The following TTC33 variants were observed in gnomAD, a reference collection of about 807,000 sequenced individuals.
TTC33 encodes tetratricopeptide repeat domain 33.
In TTC33, 24 loss-of-function variants were observed where a neutral mutation model predicts 29.4. That is an observed-to-expected ratio of 0.82 (90% CI 0.59 to 1.15). The LOEUF is 1.15. Ranked by LOEUF, TTC33 falls within the 50% of genes most tolerant of loss-of-function variation. The probability of loss-of-function intolerance (pLI) is 0.00; values close to 1 mark genes in which losing one functional copy is unlikely to be tolerated. For missense variants in TTC33, 286 were observed against 310.4 expected (o/e 0.92, Z 0.59); for synonymous variants, 107 against 100.3 (o/e 1.07, Z -0.40).
intron 1 of TTC33, among the ~76,000 whole-genome samples, chr5:40,753,509 T>C (rs12523329): frequency 0.21 from 32,650 of 152,014 alleles, 4,289 homozygotes; most frequent in Admixed American, 0.37. Flanking sequence ...ATAAGGACAA[T>C]GCAAACTCTC....
intron 1 of TTC33, among the ~76,000 whole-genome samples, chr5:40,749,811 T>C (rs1234163863): frequency 5.3e-5 from 8 of 152,196 alleles, no homozygotes; most frequent in Non-Finnish European, 8.8e-5. Context: ...CATGCCTTGC[T>C]AGGTGCAGTG....
At chr5:40,723,555 T>C (rs2111879360) in intron 4 of TTC33, among the ~76,000 whole-genome samples, 1 of 148,408 alleles carries the variant, frequency 6.7e-6, no homozygotes, top group East Asian at 2.0e-4. Flanking sequence ...TCTGTTAAAA[T>C]GGGTATTATC....
intron 2 of TTC33, among the ~76,000 whole-genome samples, chr5:40,745,440 A>G (rs560822981): frequency 6.6e-6 from 1 of 152,196 alleles, no homozygotes; most frequent in Non-Finnish European, 1.5e-5. Flanking sequence ...GTGTGTGTGT[A>G]TGTGTATGCA....
At chr5:40,747,617 A>G (rs1742821418) in intron 1 of TTC33, among the ~76,000 whole-genome samples, 1 of 152,186 alleles carries the variant, frequency 6.6e-6, no homozygotes, top group Non-Finnish European at 1.5e-5. Context: ...GATAAAGTGA[A>G]GCATGCTCAA....
chr5:40,746,704 G>T, intron 2 of TTC33, 94 bp downstream of exon 2: 4 of 950,888 alleles, frequency 4.2e-6, no homozygotes, highest in Non-Finnish European at 6.1e-6. Context: ...TTTTAAACAT[G>T]AATTTATCAA....
At chr5:40,738,216 A>AGGCT (rs1157788461) in intron 2 of TTC33, among the ~76,000 whole-genome samples, 2 of 152,000 alleles carry the variant, frequency 1.3e-5, no homozygotes, top group Non-Finnish European at 2.9e-5. Context: ...GTTTGAGATC[A>AGGCT]GGCTGGCCAA....
chr5:40,712,674 C>G lies in TTC33; in HGVS notation c.*3471G>C, dbSNP rs1006379042. On this transcript the variant is annotated 3_prime_UTR_variant, in exon 5 of 5. Coordinates refer to ENST00000337702, the MANE Select transcript of TTC33 (RefSeq NM_012382.3). ...CAACATCGGTTCTCTGCAGTTATGA[C>G]AAATCCACAAAAGGGAAAAAAGAGG... is the stretch of plus-strand genomic sequence containing the variant. Among the ~76,000 whole-genome samples the G allele has an allele frequency of 2.0e-5, 3 of 152,112 alleles. No individual in the cohort carries two copies. The highest frequency in any genetic ancestry group is 2.4e-5 in the African/African-American group (1 of 41,426).
At chr5:40,725,145 G>A (rs974304226) in intron 4 of TTC33, among the ~76,000 whole-genome samples, 1 of 150,386 alleles carries the variant, frequency 6.6e-6, no homozygotes, top group African/African-American at 2.5e-5. Flanking sequence ...ACCATGCCCA[G>A]CCAAATTTTT....
chr5:40,722,461 G>A (rs1242838662), intron 4 of TTC33, among the ~76,000 whole-genome samples: 2 of 151,496 alleles, frequency 1.3e-5, no homozygotes, highest in East Asian at 3.9e-4. Flanking sequence ...AGGAAGTGAG[G>A]AGCCTCTCTG....
intron 2 of TTC33, among the ~76,000 whole-genome samples, chr5:40,746,524 A>G (rs1259681774): frequency 6.6e-6 from 1 of 152,154 alleles, no homozygotes; most frequent in Admixed American, 6.6e-5. Context: ...CTTAGCATTT[A>G]CTCTTCTTTA....
rs942644544 is a variant in TTC33, at chr5:40,715,850, T to G, written c.*295A>C. 6 of 270,606 alleles carry G rather than the reference T, an allele frequency of 2.2e-5. No homozygotes were observed. The highest frequency in any genetic ancestry group is 1.3e-4 in the African/African-American group (6 of 45,456). The allele number at this position is 270,606 out of a possible 1,614,324, so 16.8% of individuals were successfully genotyped here. The stretch of plus-strand genomic sequence containing the variant: ...AATTATTCACTATTCAAGAATACAT[T>G]TTTCAAGTTTTGTCTTTAAAATGTA... On this transcript the variant is annotated 3_prime_UTR_variant, in exon 5 of 5. Transcript: ENST00000337702.
intron 1 of TTC33, among the ~76,000 whole-genome samples, chr5:40,753,141 G>A (rs533472733): frequency 6.6e-6 from 1 of 152,078 alleles, no homozygotes; most frequent in Non-Finnish European, 1.5e-5. Context: ...GAGGCAGGCG[G>A]ATCACCTGAG....
At chr5:40,721,099 G>A (rs761680412) in intron 4 of TTC33, among the ~76,000 whole-genome samples, 10 of 152,108 alleles carry the variant, frequency 6.6e-5, no homozygotes, top group Non-Finnish European at 1.3e-4. Flanking sequence ...GGGAAGAAAA[G>A]AATTGGTCCA....
At chr5:40,728,707 C>A (rs900452767) in intron 3 of TTC33, among the ~76,000 whole-genome samples, 3 of 152,066 alleles carry the variant, frequency 2.0e-5, no homozygotes, top group African/African-American at 7.2e-5. Flanking sequence ...AATCTTATGT[C>A]CATCTGGTCA....
chr5:40,722,984 T>C (rs1044970181), intron 4 of TTC33, among the ~76,000 whole-genome samples: 3 of 152,238 alleles, frequency 2.0e-5, no homozygotes, highest in African/African-American at 7.2e-5. Flanking sequence ...ATGGCGGTTT[T>C]GTCAAATAGA....
intron 4 of TTC33, among the ~76,000 whole-genome samples, chr5:40,722,734 G>C (rs1460275159): frequency 6.6e-6 from 1 of 151,380 alleles, no homozygotes; most frequent in South Asian, 2.1e-4. Flanking sequence ...GGGAGGTGGC[G>C]GGGCAGCCCC....
At chr5:40,734,534 T>C (rs1009144097) in intron 2 of TTC33, among the ~76,000 whole-genome samples, 1 of 152,214 alleles carries the variant, frequency 6.6e-6, no homozygotes, top group African/African-American at 2.4e-5. Flanking sequence ...TAATGCCCTA[T>C]ACTGAGGTAA....
chr5:40,730,819 G>A (rs1053295799), intron 2 of TTC33, among the ~76,000 whole-genome samples: 1 of 151,928 alleles, frequency 6.6e-6, no homozygotes, highest in Non-Finnish European at 1.5e-5. Flanking sequence ...TTAGAAATGG[G>A]TTCATATGTA....
At chr5:40,718,691 T>C (rs565547058) in intron 4 of TTC33, among the ~76,000 whole-genome samples, 41 of 151,986 alleles carry the variant, frequency 2.7e-4, no homozygotes, top group South Asian at 1.9e-3. Flanking sequence ...TGAGCCGAGA[T>C]TGCACCACCG....
Sources: gnomAD v4.1 joint callset for allele counts (sites outside exome capture counted in the v4.1 genomes callset) on GRCh38, gnomAD v4.1.1 for gene constraint, MANE v1.5 for transcripts, NCBI Gene and HGNC (gene_info 2026-07-23, HGNC 2026-07-21) for gene names.